Variants in IL1RAPL2 observed in about 807,000 individuals in gnomAD.
IL1RAPL2 encodes the protein X-linked interleukin-1 receptor accessory protein-like 2.
Under a neutral mutation model 44.1 loss-of-function variants are expected in IL1RAPL2, and 3 were observed. The observed-to-expected ratio is 0.07, with a 90% CI of 0.03 to 0.18. IL1RAPL2 has a LOEUF of 0.18. Ranked by LOEUF, IL1RAPL2 falls within the 10% of genes least tolerant of loss-of-function variation. The pLI is 1.00. For synonymous variants in IL1RAPL2, 181 were observed against 178.8 expected, an observed-to-expected ratio of 1.01 and a Z score of -0.10; for missense variants, 391 against 496.4, an observed-to-expected ratio of 0.79 and a Z score of 2.02.
chrX:105,577,261 T>G (rs1355473090), intron 6 of IL1RAPL2, among the ~76,000 whole-genome samples: 1 of 111,580 alleles, frequency 9.0e-6, no homozygotes, highest in Non-Finnish European at 1.9e-5. Flanking sequence ...TAATTGCCAG[T>G]AAAAGCATTC....
chrX:105,165,888 C>T (rs2033367636), intron 2 of IL1RAPL2, among the ~76,000 whole-genome samples: 1 of 111,588 alleles, frequency 9.0e-6, no homozygotes, highest in Non-Finnish European at 1.9e-5. Flanking sequence ...ATCTTCCAAT[C>T]TGGCTCAGTA....
chrX:105,234,895 T>C (rs73636207), intron 4 of IL1RAPL2, among the ~76,000 whole-genome samples: 2,393 of 109,645 alleles, frequency 0.022, 60 homozygotes, highest in African/African-American at 0.076. Flanking sequence ...AGGAGCAAGC[T>C]GTTGATTATC....
chrX:105,123,619 T>C (rs2032946868), intron 2 of IL1RAPL2, among the ~76,000 whole-genome samples: 1 of 111,558 alleles, frequency 9.0e-6, no homozygotes, highest in Non-Finnish European at 1.9e-5. Context: ...AACCATGAAT[T>C]CTGCCAGACC....
chrX:104,909,505 T>C (rs1924156306), intron 2 of IL1RAPL2, among the ~76,000 whole-genome samples: 1 of 111,849 alleles, frequency 8.9e-6, no homozygotes. Flanking sequence ...ATGATGGTGA[T>C]GTACAGATGG....
chrX:104,951,607 CA>C (rs1213940098), intron 2 of IL1RAPL2, among the ~76,000 whole-genome samples: 4 of 112,698 alleles, frequency 3.5e-5, no homozygotes, highest in African/African-American at 1.3e-4. Context: ...TTCAATTCAA[CA>C]AACATTTACT....
At chrX:105,144,712 A>T (rs1488576758) in intron 2 of IL1RAPL2, among the ~76,000 whole-genome samples, 1 of 111,757 alleles carries the variant, frequency 8.9e-6, no homozygotes, top group Non-Finnish European at 1.9e-5. Context: ...TTGTTTGGCC[A>T]ATAATCCATC....
intron 5 of IL1RAPL2, among the ~76,000 whole-genome samples, chrX:105,398,484 A>AT (rs1318701703): frequency 3.1e-4 from 34 of 109,810 alleles, no homozygotes; most frequent in South Asian, 1.2e-3. Context: ...GATATATTTG[A>AT]TTTTTTTGTG....
intron 2 of IL1RAPL2, among the ~76,000 whole-genome samples, chrX:104,879,622 C>T (rs760410450): frequency 9.0e-6 from 1 of 111,563 alleles, no homozygotes; most frequent in Non-Finnish European, 1.9e-5. Flanking sequence ...TAAATTCTTG[C>T]CCTAAACCAA....
chrX:105,060,566 T>C (rs1469569327), intron 2 of IL1RAPL2, among the ~76,000 whole-genome samples: 6 of 107,353 alleles, frequency 5.6e-5, no homozygotes, highest in Admixed American at 5.0e-4. Context: ...CTTTTCTTTT[T>C]TCTATTCTTT....
At chrX:104,955,739 A>C (rs1278855233) in intron 2 of IL1RAPL2, among the ~76,000 whole-genome samples, 1 of 110,429 alleles carries the variant, frequency 9.1e-6, no homozygotes, top group Non-Finnish European at 1.9e-5. Context: ...ATTTGGTTTT[A>C]AAAGCTTCTG....
intron 2 of IL1RAPL2, among the ~76,000 whole-genome samples, chrX:105,183,119 C>T (rs1556131858): frequency 1.8e-5 from 2 of 111,307 alleles, no homozygotes; most frequent in East Asian, 2.8e-4. Flanking sequence ...CCCAGTGGTG[C>T]ACATGGGCAC....
intron 2 of IL1RAPL2, among the ~76,000 whole-genome samples, chrX:104,731,521 G>T (rs1931919130): frequency 9.0e-6 from 1 of 111,118 alleles, no homozygotes; most frequent in South Asian, 3.8e-4. Context: ...TCCTTTCTCA[G>T]CCTCCTGAGT....
intron 2 of IL1RAPL2, among the ~76,000 whole-genome samples, chrX:104,769,918 G>A (rs1932614516): frequency 8.9e-6 from 1 of 112,104 alleles, no homozygotes; most frequent in East Asian, 2.8e-4. Flanking sequence ...AGCCAATCAT[G>A]TTTTCAGCTG....
At chrX:104,635,552 T>G (rs370504716) in intron 1 of IL1RAPL2, among the ~76,000 whole-genome samples, 2 of 111,713 alleles carry the variant, frequency 1.8e-5, no homozygotes, top group Non-Finnish European at 3.8e-5. Context: ...CTTTTTATTC[T>G]TTTTTCTCTA....
At chrX:105,634,367 G>A (rs1202887351) in intron 6 of IL1RAPL2, among the ~76,000 whole-genome samples, 1 of 110,808 alleles carries the variant, frequency 9.0e-6, no homozygotes, top group Non-Finnish European at 1.9e-5. Flanking sequence ...ACCACACAAA[G>A]AAATGCCAGA....
intron 1 of IL1RAPL2, among the ~76,000 whole-genome samples, chrX:104,607,362 T>C (rs767934723): frequency 7.1e-5 from 8 of 111,937 alleles, no homozygotes; most frequent in Non-Finnish European, 1.5e-4. Context: ...CCAAAAGTAA[T>C]GGCAACAAAA....
At chrX:105,146,302 C>T (rs1224578024) in intron 2 of IL1RAPL2, among the ~76,000 whole-genome samples, 1 of 110,887 alleles carries the variant, frequency 9.0e-6, no homozygotes, top group East Asian at 2.9e-4. Context: ...AATTTGCATT[C>T]TAGACCTTCC....
intron 4 of IL1RAPL2, among the ~76,000 whole-genome samples, chrX:105,245,825 G>A (rs2034214549): frequency 8.9e-6 from 1 of 112,497 alleles, no homozygotes; most frequent in South Asian, 3.6e-4. Context: ...AGTTACCTCA[G>A]TTGGTAAAAG....
intron 2 of IL1RAPL2, among the ~76,000 whole-genome samples, chrX:105,019,952 C>T (rs1457123953): frequency 1.8e-5 from 2 of 110,782 alleles, no homozygotes; most frequent in Non-Finnish European, 3.8e-5. Flanking sequence ...AAAGTTCTGC[C>T]TTACCCATCT....
Sources: allele counts gnomAD v4.1 joint callset (sites outside exome capture counted in the v4.1 genomes callset), GRCh38; gene constraint gnomAD v4.1.1; transcripts MANE v1.5; gene names NCBI Gene and HGNC (gene_info 2026-07-23, HGNC 2026-07-21).